The following PRELID2 variants were observed in gnomAD, a reference collection of about 807,000 sequenced individuals.
PRELID2 encodes the protein PRELI domain containing 2.
A neutral mutation model predicts 28.4 loss-of-function variants in PRELID2; 25 were observed. That is an observed-to-expected ratio of 0.88 (90% CI 0.64 to 1.23). PRELID2 has a LOEUF of 1.23. Among genes scored for constraint, PRELID2 ranks in the 50% most tolerant of loss-of-function variants. The pLI, the probability that PRELID2 is intolerant of heterozygous loss-of-function variation, is 0.00. For missense variants in PRELID2, 201 were observed against 214.4 expected (o/e 0.94, Z 0.39); for synonymous variants, 76 against 71.6 (o/e 1.06, Z -0.31).
chr5:145,647,264 T>C (rs1754213983), intron 1 of PRELID2, among the ~76,000 whole-genome samples: 1 of 152,218 alleles, frequency 6.6e-6, no homozygotes, highest in African/African-American at 2.4e-5. Context: ...CTTGCTGAGC[T>C]GCGGTGGGCT....
chr5:145,778,645 C>A (rs1398259502), intron 5 of PRELID2, among the ~76,000 whole-genome samples: 3 of 152,224 alleles, frequency 2.0e-5, no homozygotes, highest in African/African-American at 7.2e-5. Flanking sequence ...GCACCTAGAG[C>A]TGCCTGTCCC....
chr5:145,461,993 G>A, the PRELID2 span, among the ~76,000 whole-genome samples: 1 of 152,264 alleles, frequency 6.6e-6, no homozygotes, highest in African/African-American at 2.4e-5. Flanking sequence ...AGGTTCATTT[G>A]TTATTGCAGC....
chr5:145,506,043 A>G (rs1752407968), intron 1 of PRELID2, among the ~76,000 whole-genome samples: 1 of 152,170 alleles, frequency 6.6e-6, no homozygotes, highest in South Asian at 2.1e-4. Flanking sequence ...GATGTACAAC[A>G]TTGTGCCTAT....
At chr5:145,231,482 A>G in the PRELID2 span, among the ~76,000 whole-genome samples, 6 of 152,184 alleles carry the variant, frequency 3.9e-5, no homozygotes, top group African/African-American at 1.2e-4. Flanking sequence ...GCAAGACACT[A>G]TGGTTATTTT....
chr5:145,564,174 T>G (rs1318739911), intron 1 of PRELID2, among the ~76,000 whole-genome samples: 2 of 152,242 alleles, frequency 1.3e-5, no homozygotes, highest in Non-Finnish European at 2.9e-5. Flanking sequence ...AACTTTGGTG[T>G]ACCTGCCTCT....
At chr5:145,674,985 T>C (rs1754786007) in intron 1 of PRELID2, among the ~76,000 whole-genome samples, 1 of 151,708 alleles carries the variant, frequency 6.6e-6, no homozygotes, top group African/African-American at 2.4e-5. Flanking sequence ...ATCAGTACTA[T>C]TAAAAAATGT....
chr5:145,269,710 C>CTATA, the PRELID2 span, among the ~76,000 whole-genome samples: 1 of 149,826 alleles, frequency 6.7e-6, no homozygotes, highest in Non-Finnish European at 1.5e-5. Flanking sequence ...ACTATACAAA[C>CTATA]TATATATATA....
the PRELID2 span, among the ~76,000 whole-genome samples, chr5:145,288,133 T>C: frequency 4.6e-5 from 7 of 152,194 alleles, no homozygotes; most frequent in Admixed American, 1.3e-4. Context: ...TCCTACACTG[T>C]AAAGTTACTC....
intron 1 of PRELID2, among the ~76,000 whole-genome samples, chr5:145,563,916 T>C (rs1397030089): frequency 2.0e-5 from 3 of 152,130 alleles, no homozygotes; most frequent in Non-Finnish European, 4.4e-5. Context: ...TGAAAGTAGA[T>C]TTCAAGTGCT....
At chr5:145,257,006 G>A in the PRELID2 span, among the ~76,000 whole-genome samples, 3 of 151,560 alleles carry the variant, frequency 2.0e-5, no homozygotes, top group African/African-American at 7.3e-5. Flanking sequence ...TTGGCTGAAG[G>A]AAAATAATCA....
At chr5:145,523,137 G>A (rs1463667586) in intron 1 of PRELID2, among the ~76,000 whole-genome samples, 2 of 152,082 alleles carry the variant, frequency 1.3e-5, no homozygotes, top group Non-Finnish European at 2.9e-5. Flanking sequence ...AAACTACTGA[G>A]TATCACGTGC....
chr5:145,459,578 A>G, the PRELID2 span, among the ~76,000 whole-genome samples: 1 of 152,160 alleles, frequency 6.6e-6, no homozygotes. Flanking sequence ...AATTTAAGTC[A>G]CAGACACATA....
At chr5:145,663,804 G>T (rs1469079959) in intron 1 of PRELID2, among the ~76,000 whole-genome samples, 1 of 152,056 alleles carries the variant, frequency 6.6e-6, no homozygotes, top group African/African-American at 2.4e-5. Context: ...GCAAGTAACA[G>T]AACCCAATGC....
Position 145,566,947 on chromosome 5 carries a change from T to G in PRELID2, n.71-93632A>C, listed in dbSNP as rs920942297. Reference sequence around the variant, plus strand: ...GTTTTCTTTTTCTATTTATTTTGCTTATCTAATTTTTCTATAATAAACATG... The same window carrying G: ...GTTTTCTTTTTCTATTTATTTTGCTGATCTAATTTTTCTATAATAAACATG... On this transcript the variant is annotated intron_variant and non_coding_transcript_variant, in intron 1 of 2. Transcript: ENST00000510259. Among the ~76,000 whole-genome samples the G allele has an allele frequency of 5.3e-5, 8 of 152,220 alleles. No homozygotes were observed. The East Asian group carries it at 1.5e-3, about 29-fold the overall frequency.
At chr5:145,328,894 A>T in the PRELID2 span, among the ~76,000 whole-genome samples, 3 of 151,972 alleles carry the variant, frequency 2.0e-5, no homozygotes, top group East Asian at 5.8e-4. Flanking sequence ...TATTCTAGGG[A>T]TTTTATGATT....
In PRELID2 at chr5:145,686,021, AC is replaced by A. The variant is rs139094750; in HGVS notation, n.70+78909del. Among the ~76,000 whole-genome samples the A allele has an allele frequency of 4.4e-3, 675 of 152,324 alleles. 3 individuals are homozygous for A. Among genetic ancestry groups the A allele is most frequent in the African/African-American group, 0.015 (631 of 41,578 alleles). On this transcript the variant is annotated intron_variant and non_coding_transcript_variant, in intron 1 of 2. Coordinates refer to the PRELID2 transcript ENST00000510259. ...GGTTTCCCATGTTACATGGGAATGA[AC>A]AGCATGGCGATGTATAAATTCTTCA... is the stretch of plus-strand genomic sequence containing the variant.
chr5:145,620,273 G>T (rs1290257750), intron 1 of PRELID2, among the ~76,000 whole-genome samples: 1 of 151,696 alleles, frequency 6.6e-6, no homozygotes, highest in Non-Finnish European at 1.5e-5. Context: ...CATAACTCCA[G>T]TAAAACACCA....
the PRELID2 span, among the ~76,000 whole-genome samples, chr5:145,389,265 C>A: frequency 6.6e-6 from 1 of 152,052 alleles, no homozygotes; most frequent in Admixed American, 6.6e-5. Flanking sequence ...ATGGCTGTTA[C>A]ACAAGATAGT....
chr5:145,431,006 G>GTTTTT, the PRELID2 span, among the ~76,000 whole-genome samples: 21 of 55,548 alleles, frequency 3.8e-4, 1 homozygote, highest in African/African-American at 8.3e-4. Context: ...CCTGGCAATG[G>GTTTTT]TTTTTTTTTT....
Sources: allele counts gnomAD v4.1 joint callset (sites outside exome capture counted in the v4.1 genomes callset), GRCh38; gene constraint gnomAD v4.1.1; transcripts MANE v1.5; gene names NCBI Gene and HGNC (gene_info 2026-07-23, HGNC 2026-07-21).